SMAD3: variants seen among roughly 807,000 people sequenced by gnomAD.
The protein encoded by SMAD3 is SMAD family member 3, also known as MAD homolog 3.
In SMAD3, 12 loss-of-function variants were observed where a neutral mutation model predicts 51.8. The ratio of observed to expected loss-of-function variants is 0.23; its 90% CI spans 0.15 to 0.38. The LOEUF is 0.38. SMAD3 is among the 10% of genes least tolerant of loss of function. The probability of loss-of-function intolerance (pLI) is 1.00; values close to 1 mark genes in which losing one functional copy is unlikely to be tolerated. For synonymous variants in SMAD3, 238 were observed against 227.7 expected (o/e 1.05, Z -0.41); for missense variants, 294 against 565.6 (o/e 0.52, Z 4.87).
At chr15:67,165,712 A>G (rs1005850117) in intron 3 of SMAD3, among the ~76,000 whole-genome samples, 3 of 152,234 alleles carry the variant, frequency 2.0e-5, no homozygotes, top group African/African-American at 7.2e-5. Context: ...ACTGGTGTTC[A>G]GTCCCAATAG....
chr15:67,175,837 T>A (rs1426767641), intron 5 of SMAD3, among the ~76,000 whole-genome samples: 1 of 152,228 alleles, frequency 6.6e-6, no homozygotes, highest in Non-Finnish European at 1.5e-5. Context: ...GTTCCAGGCA[T>A]CTTCATGCTG....
At chr15:67,131,418 C>T (rs1028415799) in intron 1 of SMAD3, among the ~76,000 whole-genome samples, 7 of 152,144 alleles carry the variant, frequency 4.6e-5, no homozygotes, top group South Asian at 2.1e-4. Flanking sequence ...GCTGTGTTCT[C>T]GGGTTTCATT....
At chr15:67,170,475 T>G in intron 4 of SMAD3, 79 bp from the exon 5 acceptor site, 44 of 1,179,476 alleles carry the variant, frequency 3.7e-5, no homozygotes, top group Non-Finnish European at 5.0e-5. Context: ...TACCCCTCCT[T>G]GATATGTAAG....
chr15:67,179,008 G>A (rs1441653578), intron 5 of SMAD3, among the ~76,000 whole-genome samples: 1 of 152,200 alleles, frequency 6.6e-6, no homozygotes, highest in African/African-American at 2.4e-5. Flanking sequence ...ACAGAATCGG[G>A]CTATTATCAT....
rs1963372346 is a variant in SMAD3 at position 67,191,742 on chromosome 15, AG to A, written c.*1209del. 4.3e-6 allele frequency: 1 copy of A among 230,292 alleles called. No individual in the cohort carries two copies. 14.3% of individuals were successfully genotyped at this position (230,292 alleles called of 1,614,324 possible). The stretch of plus-strand genomic sequence containing the variant: ...CTCAGGCCAACATAGGCAAATGAAA[AG>A]GGCTATTAAAATATTTTTACACCTT... On this transcript the variant is annotated 3_prime_UTR_variant, in exon 9 of 9. Transcript: ENST00000327367.
intron 1 of SMAD3, chr15:67,125,684 T>A: frequency 7.1e-6 from 7 of 983,738 alleles, no homozygotes; most frequent in Non-Finnish European, 8.5e-6. Context: ...AACTGACTCC[T>A]CTGAGTCATG....
intron 1 of SMAD3, among the ~76,000 whole-genome samples, chr15:67,160,447 G>A (rs1285834662): frequency 6.6e-6 from 1 of 152,192 alleles, no homozygotes; most frequent in African/African-American, 2.4e-5. Flanking sequence ...TCTGGGTAGT[G>A]TCTGTTCAAA....
chr15:67,143,134 A>C (rs1961878370), intron 1 of SMAD3: 1 of 187,690 alleles, frequency 5.3e-6, no homozygotes, highest in African/African-American at 2.4e-5. Flanking sequence ...CATGTCAGCC[A>C]GAATGGTACT....
chr15:67,107,746 T>C (rs901497857), intron 1 of SMAD3, among the ~76,000 whole-genome samples: 1 of 152,102 alleles, frequency 6.6e-6, no homozygotes, highest in African/African-American at 2.4e-5. Flanking sequence ...TTCCCTTCCA[T>C]AGGGATATGG....
intron 3 of SMAD3, chr15:67,166,270 T>C (rs1450021109): frequency 1.7e-6 from 1 of 599,876 alleles, no homozygotes; most frequent in Admixed American, 5.1e-5. Flanking sequence ...TTCAGAGAAA[T>C]AGATCACACT....
chr15:67,110,398 A>G (rs1039507138), intron 1 of SMAD3, among the ~76,000 whole-genome samples: 4 of 152,124 alleles, frequency 2.6e-5, no homozygotes, highest in African/African-American at 9.7e-5. Flanking sequence ...GAAGATTTGG[A>G]TTTAGAGGAA....
intron 1 of SMAD3, among the ~76,000 whole-genome samples, chr15:67,097,061 A>G (rs956634695): frequency 6.6e-6 from 1 of 152,220 alleles, no homozygotes; most frequent in Non-Finnish European, 1.5e-5. Context: ...TAACTCAGGC[A>G]TGGTCTCCTT....
chr15:67,090,810 G>T lies in SMAD3; in HGVS notation c.206+24450G>T, dbSNP rs79404191. Among the ~76,000 whole-genome samples, 146 of 152,296 alleles carry T rather than the reference G, an allele frequency of 9.6e-4. 1 individual carries two copies. The highest frequency in any genetic ancestry group is 4.8e-3 in the Admixed American group (74 of 15,304). On this transcript the variant is annotated intron_variant, in intron 1 of 8. Coordinates refer to ENST00000327367, the MANE Select transcript of SMAD3 (RefSeq NM_005902.4). Reference sequence around the variant, plus strand: ...TTTGACTTGGGTCTGAAAGTAACCCGTGACAGCAGTAAGCCTCTCGATCTG... The same window carrying T: ...TTTGACTTGGGTCTGAAAGTAACCCTTGACAGCAGTAAGCCTCTCGATCTG...
chr15:67,081,381 T>C (rs1261980390), intron 1 of SMAD3, among the ~76,000 whole-genome samples: 3 of 152,112 alleles, frequency 2.0e-5, no homozygotes, highest in African/African-American at 7.2e-5. Context: ...CAGCCTCCCT[T>C]CCCCAGCTGA....
At chr15:67,181,856 C>T (rs962127042) in intron 6 of SMAD3, among the ~76,000 whole-genome samples, 13 of 151,214 alleles carry the variant, frequency 8.6e-5, no homozygotes, top group Admixed American at 2.6e-4. Flanking sequence ...CACAATCTTG[C>T]CTCACTGCAA....
chr15:67,177,855 G>A (rs1240539484), intron 5 of SMAD3, among the ~76,000 whole-genome samples: 2 of 152,118 alleles, frequency 1.3e-5, no homozygotes, highest in South Asian at 2.1e-4. Context: ...GGCATGGTGG[G>A]CGGGAGGGAC....
chr15:67,087,747 G>A (rs180886102), intron 1 of SMAD3, among the ~76,000 whole-genome samples: 36 of 152,324 alleles, frequency 2.4e-4, no homozygotes, highest in Admixed American at 1.4e-3. Flanking sequence ...GGTGGTGGGG[G>A]AGGTGGCAGA....
intron 1 of SMAD3, among the ~76,000 whole-genome samples, chr15:67,120,168 T>C (rs1961226962): frequency 6.6e-6 from 1 of 152,230 alleles, no homozygotes; most frequent in Non-Finnish European, 1.5e-5. Flanking sequence ...ACTTTCTTGC[T>C]TGTTGTTTCT....
intron 1 of SMAD3, among the ~76,000 whole-genome samples, chr15:67,135,486 G>C (rs1398410684): frequency 2.0e-5 from 3 of 152,118 alleles, no homozygotes; most frequent in Admixed American, 6.5e-5. Context: ...CAGGGTGCCT[G>C]GTACCAAGTA....
Sources: gnomAD v4.1 joint callset for allele counts (sites outside exome capture counted in the v4.1 genomes callset) on GRCh38, gnomAD v4.1.1 for gene constraint, MANE v1.5 for transcripts, NCBI Gene and HGNC (gene_info 2026-07-23, HGNC 2026-07-21) for gene names.